Variants in ZNF385C observed in about 807,000 individuals in gnomAD.
ZNF385C encodes CTD-2132N18.2.
Under a neutral mutation model 35.4 loss-of-function variants are expected in ZNF385C, and 28 were observed. The ratio of observed to expected loss-of-function variants is 0.79; its 90% CI spans 0.59 to 1.08. The LOEUF is 1.08. Among genes scored for constraint, ZNF385C ranks in the 50% least tolerant of loss-of-function variants. ZNF385C has a pLI of 0.00. For synonymous variants in ZNF385C, 248 were observed against 248.2 expected (o/e 1.00, Z 0.01); for missense variants, 605 against 595.6 (o/e 1.02, Z -0.16).
rs1167371976 is a variant in ZNF385C, at chr17:42,050,783, C to G, written c.250+12024G>C. ...CTCAGCCCGGCCCCGGCCCCACCCC[C>G]CAGCCCCTGCCGCCCCACGCGCGGC... On this transcript the variant is annotated intron_variant, in intron 2 of 8. Coordinates refer to ENST00000692273, the MANE Select transcript of ZNF385C (RefSeq NM_001392013.1). The surrounding 1 kb of genome is among the most constrained non-coding windows in gnomAD (Gnocchi z 5.6). Among the ~76,000 whole-genome samples the G allele has an allele frequency of 1.3e-5, 2 of 151,408 alleles. No homozygotes were observed. Among genetic ancestry groups the G allele is most frequent in the African/African-American group, 2.4e-5 (1 of 41,464 alleles).
In ZNF385C at chr17:42,047,804, C is replaced by T. The variant is rs376835851; in HGVS notation, c.251-9919G>A. Among the ~76,000 whole-genome samples the T allele has an allele frequency of 5.9e-5, 9 of 152,050 alleles. No individual in the cohort carries two copies. In the South Asian group the frequency reaches 8.3e-4, roughly 14 times the overall value. The stretch of plus-strand genomic sequence containing the variant: ...GAGTAGCTGGGATTACAGGCGCGCA[C>T]CACCATGCCCAGCTAATTTTTTGTA... On this transcript the variant is annotated intron_variant, in intron 2 of 8. Transcript: ENST00000692273.
chr17:42,034,504 G>A (rs1261758222), intron 3 of ZNF385C, among the ~76,000 whole-genome samples, 169 bp from the exon 4 acceptor site: 1 of 152,142 alleles, frequency 6.6e-6, no homozygotes, highest in Non-Finnish European at 1.5e-5. Context: ...GCTGGGCCAG[G>A]CGCGGTGGCT....
At chr17:42,097,926 C>A (rs887797067) in intron 1 of ZNF385C, among the ~76,000 whole-genome samples, 5 of 152,342 alleles carry the variant, frequency 3.3e-5, no homozygotes, top group Non-Finnish European at 7.3e-5. Context: ...TGCCCTGGGG[C>A]TCATTAGAAA....
rs782165126 is a variant in ZNF385C, at chr17:42,026,978, G to A, written c.1431C>T (p.Pro477=). ...PTAATTLFPA[P]ILGPALFRTP... ...TGCGAAACAGAGCTGGGCCCAGGATGGGAGCCGGGAAGAGGGTAGTGGCTG... is the reference window on the plus strand; with the variant it reads ...TGCGAAACAGAGCTGGGCCCAGGATAGGAGCCGGGAAGAGGGTAGTGGCTG... Residue 477 remains proline, a synonymous_variant, in exon 9 of 9, where the codon CCC becomes CCT. Transcript: ENST00000692273. 1 of 1,611,960 alleles carries A rather than the reference G, an allele frequency of 6.2e-7. No individual in the cohort carries two copies. The highest frequency in any genetic ancestry group is 1.7e-4 in the Middle Eastern group (1 of 6,040).
At chr17:42,055,280 C>T (rs2053355809) in intron 2 of ZNF385C, among the ~76,000 whole-genome samples, 1 of 152,082 alleles carries the variant, frequency 6.6e-6, no homozygotes, top group South Asian at 2.1e-4. Flanking sequence ...GAAACTCAAG[C>T]CCAGAGCTAA....
intron 1 of ZNF385C, among the ~76,000 whole-genome samples, chr17:42,078,180 C>T (rs2053704922): frequency 6.6e-6 from 1 of 152,172 alleles, no homozygotes. Flanking sequence ...TAACAGGCCT[C>T]AGTTTCCCTG....
chr17:42,028,489 T>C, intron 6 of ZNF385C: 1 of 586,598 alleles, frequency 1.7e-6, no homozygotes, highest in Non-Finnish European at 2.9e-6. Context: ...TCTCAGTCCT[T>C]TCCTTCTGGG....
rs2053657383 is a variant in ZNF385C at position 42,073,838 on chromosome 17, C to T, written c.-2-10780G>A. ...AAGAAGTGGCGGTGCCATTTACCTGCCTGGCACTGGGGCAGGCCTACTGGG... is the reference window on the plus strand; with the variant it reads ...AAGAAGTGGCGGTGCCATTTACCTGTCTGGCACTGGGGCAGGCCTACTGGG... On this transcript the variant is annotated intron_variant, in intron 1 of 8. Transcript: ENST00000692273. Among the ~76,000 whole-genome samples, 4 of 152,358 alleles carry T rather than the reference C, an allele frequency of 2.6e-5. 1 individual carries two copies. In the South Asian group the frequency reaches 8.3e-4, roughly 32 times the overall value.
intron 1 of ZNF385C, among the ~76,000 whole-genome samples, chr17:42,079,404 A>T (rs1398436753): frequency 3.6e-5 from 5 of 137,600 alleles, no homozygotes; most frequent in African/African-American, 1.4e-4. Context: ...AAAAAAAAAT[A>T]CTGACCAGGC....
intron 1 of ZNF385C, among the ~76,000 whole-genome samples, chr17:42,073,235 G>A (rs1293807010): frequency 6.6e-6 from 1 of 152,134 alleles, no homozygotes; most frequent in Non-Finnish European, 1.5e-5. Context: ...TCAGGAGTTC[G>A]AGACCAGCGT....
At chr17:42,077,426 C>G (rs192019435) in intron 1 of ZNF385C, among the ~76,000 whole-genome samples, 68 of 152,208 alleles carry the variant, frequency 4.5e-4, no homozygotes, top group African/African-American at 1.6e-3. Context: ...GGTGAAGGAA[C>G]TTATGCAACC....
chr17:42,066,049 TTG>T (rs2053542670), intron 1 of ZNF385C, among the ~76,000 whole-genome samples: 1 of 151,600 alleles, frequency 6.6e-6, no homozygotes, highest in Admixed American at 6.6e-5. Flanking sequence ...TGTTTTTTGT[TTG>T]TTTGTCTGTT....
At chr17:42,084,518 ATCT>A (rs782688213) in intron 1 of ZNF385C, among the ~76,000 whole-genome samples, 10 of 152,156 alleles carry the variant, frequency 6.6e-5, no homozygotes, top group East Asian at 1.9e-4. Flanking sequence ...ATAATAATAG[ATCT>A]TCTTTCAGTT....
At chr17:42,039,949 G>T in intron 2 of ZNF385C, 1 of 1,231,208 alleles carries the variant, frequency 8.1e-7, no homozygotes, top group Non-Finnish European at 1.0e-6. Flanking sequence ...GGCGAAGTCG[G>T]GGAAGAGCTC....
At chr17:42,039,708 G>A in intron 2 of ZNF385C, 2 of 1,232,534 alleles carry the variant, frequency 1.6e-6, no homozygotes, top group Non-Finnish European at 2.0e-6. Flanking sequence ...GCCACCCTCA[G>A]GTGAGCTGCG....
rs535338094 is a variant in ZNF385C, at chr17:42,050,989, G to A, written c.250+11818C>T. ...GCTTTGGGATCACGAAGGAGCGGGCGACCAGCTGAAGGTCTGCAGGGCGGG... is the reference window on the plus strand; with the variant it reads ...GCTTTGGGATCACGAAGGAGCGGGCAACCAGCTGAAGGTCTGCAGGGCGGG... On this transcript the variant is annotated intron_variant, in intron 2 of 8. Transcript: ENST00000692273. The surrounding 1 kb of genome is among the most constrained non-coding windows in gnomAD (Gnocchi z 5.6). 6.6e-6 allele frequency among the ~76,000 whole-genome samples: 1 copy of A among 152,244 alleles called. No homozygotes were observed. Among genetic ancestry groups the A allele is most frequent in the East Asian group, 1.9e-4 (1 of 5,166 alleles).
chr17:42,042,797 C>T (rs2053056058), intron 2 of ZNF385C: 7 of 1,230,846 alleles, frequency 5.7e-6, no homozygotes, highest in Non-Finnish European at 7.1e-6. Flanking sequence ...GTCCTCCCTT[C>T]CCAAGCCCTT....
chr17:42,097,502 C>T (rs2053930519), intron 1 of ZNF385C, among the ~76,000 whole-genome samples: 1 of 152,152 alleles, frequency 6.6e-6, no homozygotes, highest in African/African-American at 2.4e-5. Flanking sequence ...CAGGAAGGTC[C>T]CTGGGGTCCC....
chr17:42,082,278 T>A (rs1265713788), intron 1 of ZNF385C, among the ~76,000 whole-genome samples: 1 of 151,898 alleles, frequency 6.6e-6, no homozygotes, highest in Non-Finnish European at 1.5e-5. Flanking sequence ...ACCTCAGTGA[T>A]CCGCTCGCCT....
Sources: gnomAD v4.1 joint callset for allele counts (sites outside exome capture counted in the v4.1 genomes callset) on GRCh38, gnomAD v4.1.1 for gene constraint, Gnocchi (gnomAD v3.1) non-coding constraint, MANE v1.5 for transcripts, NCBI Gene and HGNC (gene_info 2026-07-23, HGNC 2026-07-21) for gene names.